The following SLC2A1 variants were observed in gnomAD, a reference collection of about 807,000 sequenced individuals.
SLC2A1 encodes the protein solute carrier family 2 member 1.
Under a neutral mutation model 46.6 loss-of-function variants are expected in SLC2A1, and 4 were observed. That is an observed-to-expected ratio of 0.09 (90% CI 0.04 to 0.20). The LOEUF is 0.20. Ranked by LOEUF, SLC2A1 falls within the 10% of genes least tolerant of loss-of-function variation. The pLI is 1.00. For missense variants in SLC2A1, 352 were observed against 667.0 expected (o/e 0.53, Z 5.20); for synonymous variants, 253 against 270.0 (o/e 0.94, Z 0.62).
In SLC2A1 at chr1:42,925,772, G is replaced by A. The variant is rs1643419155; in HGVS notation, c.*1269C>T. 6.6e-6 allele frequency: 1 copy of A among 152,112 alleles called. No homozygotes were observed. The highest frequency in any genetic ancestry group is 1.5e-5 in the Non-Finnish European group (1 of 68,014). The allele number at this position is 152,112 out of a possible 1,614,324, so 9.4% of individuals were successfully genotyped here. ...TTGTATGGTACCATTGTTAAAAGCA[G>A]GTGTTTTAGCTTATTCACTGTGCGA... On this transcript the variant is annotated 3_prime_UTR_variant, in exon 10 of 10. Coordinates refer to ENST00000426263, the MANE Select transcript of SLC2A1 (RefSeq NM_006516.4).
chr1:42,929,848 G>A lies in SLC2A1; in HGVS notation c.679+25C>T. ...AGAAGGCCAGGGCTCAGGGAGTGGG[G>A]AGGAGGGCAGGGCCATGCCCGTACC... On this transcript the variant is annotated intron_variant, in intron 5 of 9. Coordinates refer to ENST00000426263, the MANE Select transcript of SLC2A1 (RefSeq NM_006516.4). This position sits in a 1 kb window ranked among gnomAD's most constrained non-coding sequence, Gnocchi z 6.0. The A allele has an allele frequency of 6.2e-7, 1 of 1,614,166 alleles. No individual in the cohort carries two copies. Among genetic ancestry groups the A allele is most frequent in the African/African-American group, 1.3e-5 (1 of 75,042 alleles).
chr1:42,927,421 G>A lies in SLC2A1; in HGVS notation c.1279-180C>T, dbSNP rs963794248. On this transcript the variant is annotated intron_variant, in intron 9 of 9. Transcript: ENST00000426263. The surrounding 1 kb of genome is among the most constrained non-coding windows in gnomAD (Gnocchi z 5.3). The stretch of plus-strand genomic sequence containing the variant: ...ACCTAGAATGTAACAGGCTCCAGGA[G>A]CACCATTCAAGGCTAAGGGGAGAAC... Among the ~76,000 whole-genome samples, 9 of 152,180 alleles carry A rather than the reference G, an allele frequency of 5.9e-5. No individual in the cohort carries two copies. Among genetic ancestry groups the A allele is most frequent in the African/African-American group, 2.2e-4 (9 of 41,458 alleles).
At position 42,930,916 on chromosome 1, in the gene SLC2A1, G is replaced by A. The variant is rs368610353; in HGVS notation, c.276-50C>T. The A allele has an allele frequency of 1.1e-4, 176 of 1,604,106 alleles. 1 individual carries two copies. In the African/African-American group the frequency reaches 1.7e-3, roughly 16 times the overall value. ...CCAGTGCCCACATTCCTTGGGCTCC[G>A]AGGGGCTGGGTCAGAGGTAATACCC... On this transcript the variant is annotated intron_variant, in intron 3 of 9. Coordinates refer to ENST00000426263, the MANE Select transcript of SLC2A1 (RefSeq NM_006516.4). This position sits in a 1 kb window ranked among gnomAD's most constrained non-coding sequence, Gnocchi z 6.2.
In SLC2A1 at chr1:42,929,631, C is replaced by A; in HGVS notation, c.829G>T (p.Val277Leu). The change falls in exon 6 of 10, where the codon GTG (valine) becomes TTG (leucine). Residue 277 changes from valine (V) to leucine (L), a missense_variant. Physicochemically the swap from Val to Leu is conservative, Grantham distance 32. This residue lies in a region of SLC2A1 where 167 missense variants were observed against 280.8 expected (regional missense o/e 0.59). Coordinates refer to ENST00000426263, the MANE Select transcript of SLC2A1 (RefSeq NM_006516.4). The surrounding 1 kb of genome is among the most constrained non-coding windows in gnomAD (Gnocchi z 6.0). ...AYRQPILIAV[V>L]LQLSQQLSGI... ...GACAGCTGCTGGGACAGCTGCAGCA[C>A]CACAGCGATGAGGATGGGCTGGCGG... 1 of 1,613,850 alleles carries A rather than the reference C, an allele frequency of 6.2e-7. No individual in the cohort carries two copies. Among genetic ancestry groups the A allele is most frequent in the Non-Finnish European group, 8.5e-7 (1 of 1,179,980 alleles).
intron 2 of SLC2A1, among the ~76,000 whole-genome samples, chr1:42,935,794 C>A (rs1643537255): frequency 6.6e-6 from 1 of 152,106 alleles, no homozygotes; most frequent in Admixed American, 6.5e-5. Flanking sequence ...AGGCTGCCCA[C>A]CTTACAGGTG....
intron 1 of SLC2A1, among the ~76,000 whole-genome samples, chr1:42,953,724 C>T (rs1045698272): frequency 6.6e-6 from 1 of 152,194 alleles, no homozygotes; most frequent in Non-Finnish European, 1.5e-5. Context: ...GCCGACACCC[C>T]GTGACCAGGA....
At chr1:42,951,627 A>G (rs1224115533) in intron 1 of SLC2A1, 2 of 389,614 alleles carry the variant, frequency 5.1e-6, no homozygotes, top group Non-Finnish European at 9.0e-6. Flanking sequence ...ACACTCTTTC[A>G]TTTATTATGC....
Position 42,927,445 on chromosome 1 carries a change from A to G in SLC2A1, c.1278+160T>C, listed in dbSNP as rs1289367036. ...AGCACCATTCAAGGCTAAGGGGAGA[A>G]CCCTGGAGTTGAGGTCAGCATTCTT... On this transcript the variant is annotated intron_variant, in intron 9 of 9. Coordinates refer to ENST00000426263, the MANE Select transcript of SLC2A1 (RefSeq NM_006516.4). The surrounding 1 kb of genome is among the most constrained non-coding windows in gnomAD (Gnocchi z 5.3). 2.0e-5 allele frequency among the ~76,000 whole-genome samples: 3 copies of G among 152,192 alleles called. No individual in the cohort carries two copies. Among genetic ancestry groups the G allele is most frequent in the African/African-American group, 7.2e-5 (3 of 41,450 alleles).
chr1:42,943,174 T>C (rs1273957846), intron 2 of SLC2A1, 52 bp downstream of exon 2: 8 of 1,173,166 alleles, frequency 6.8e-6, no homozygotes, highest in Non-Finnish European at 1.0e-5. Flanking sequence ...GCATGTGTGA[T>C]GTGCAACAGA....
intron 1 of SLC2A1, among the ~76,000 whole-genome samples, chr1:42,955,304 C>T (rs1274751072): frequency 6.6e-6 from 1 of 152,132 alleles, no homozygotes; most frequent in African/African-American, 2.4e-5. Context: ...GATTCAAAAC[C>T]ACATATGCAA....
intron 1 of SLC2A1, among the ~76,000 whole-genome samples, chr1:42,957,925 C>T (rs1643794873): frequency 6.6e-6 from 1 of 152,158 alleles, no homozygotes; most frequent in Non-Finnish European, 1.5e-5. Context: ...CACATCTCCG[C>T]GAGACTGGGC....
chr1:42,927,947 C>T lies in SLC2A1; in HGVS notation c.1075-139G>A. 1.4e-6 allele frequency: 1 copy of T among 733,866 alleles called. No homozygotes were observed. The highest frequency in any genetic ancestry group is 2.4e-6 in the Non-Finnish European group (1 of 416,160). 45.5% of individuals were successfully genotyped at this position (733,866 alleles called of 1,614,324 possible). A position where few individuals can be genotyped will look rare whatever the true frequency, so the allele number is the denominator to read the frequency against. On this transcript the variant is annotated intron_variant, in intron 8 of 9. Coordinates refer to ENST00000426263, the MANE Select transcript of SLC2A1 (RefSeq NM_006516.4). The surrounding 1 kb of genome is among the most constrained non-coding windows in gnomAD (Gnocchi z 5.3). ...GGATGGTCCTGGATTTGTTGTGTAT[C>T]CAGCATTGGGCCTAAGTTTCCTCAT...
intron 1 of SLC2A1, among the ~76,000 whole-genome samples, chr1:42,946,468 G>T (rs1183288110): frequency 6.6e-6 from 1 of 151,456 alleles, no homozygotes; most frequent in East Asian, 1.9e-4. Flanking sequence ...TGAGAGGCTA[G>T]TGTGGTCTGG....
chr1:42,956,084 A>G (rs1031292109), intron 1 of SLC2A1, among the ~76,000 whole-genome samples: 4 of 152,188 alleles, frequency 2.6e-5, no homozygotes, highest in African/African-American at 9.7e-5. Flanking sequence ...TTGCAGGTCA[A>G]ATCAGCAGTC....
At chr1:42,940,462 C>T (rs1643586374) in intron 2 of SLC2A1, among the ~76,000 whole-genome samples, 1 of 152,222 alleles carries the variant, frequency 6.6e-6, no homozygotes, top group Admixed American at 6.5e-5. Flanking sequence ...CAGACAAATA[C>T]CCTGGCCCTT....
At chr1:42,958,496 A>T (rs1244152029) in intron 1 of SLC2A1, 138 bp downstream of exon 1, 2 of 518,322 alleles carry the variant, frequency 3.9e-6, no homozygotes, top group Non-Finnish European at 5.6e-6. Flanking sequence ...ACCCGCACCG[A>T]GCCAGGCTCG....
At chr1:42,952,543 C>T (rs774319596) in intron 1 of SLC2A1, 65 of 375,502 alleles carry the variant, frequency 1.7e-4, no homozygotes, top group Middle Eastern at 8.7e-4. Flanking sequence ...CAGTGCTGCT[C>T]TAGGCTGTGC....
In SLC2A1 at chr1:42,931,944, C is replaced by G. The variant is rs531998084; in HGVS notation, c.115-738G>C. Among the ~76,000 whole-genome samples, 32 of 152,322 alleles carry G rather than the reference C, an allele frequency of 2.1e-4. No individual in the cohort carries two copies. In the South Asian group the frequency reaches 6.6e-3, roughly 32 times the overall value. On this transcript the variant is annotated intron_variant, in intron 2 of 9. Coordinates refer to ENST00000426263, the MANE Select transcript of SLC2A1 (RefSeq NM_006516.4). ...CCATCTCCTGCCATCAGGCCCTCCCCCCAACCCCTTGCTGGGGAGGAAGCA... is the reference window on the plus strand; with the variant it reads ...CCATCTCCTGCCATCAGGCCCTCCCGCCAACCCCTTGCTGGGGAGGAAGCA...
At position 42,929,634 on chromosome 1, in the gene SLC2A1, C is replaced by T. The variant is rs145079633; in HGVS notation, c.826G>A (p.Val276Met). 2.5e-6 allele frequency: 4 copies of T among 1,613,754 alleles called. No individual in the cohort carries two copies. The highest frequency in any genetic ancestry group is 2.7e-5 in the African/African-American group (2 of 74,954). The part of the protein sequence containing the change: ...PAYRQPILIA[V>M]VLQLSQQLSG... Reference sequence around the variant, plus strand: ...AGCTGCTGGGACAGCTGCAGCACCACAGCGATGAGGATGGGCTGGCGGTAG... The same window carrying T: ...AGCTGCTGGGACAGCTGCAGCACCATAGCGATGAGGATGGGCTGGCGGTAG... The change falls in exon 6 of 10, where the codon GTG (valine) becomes ATG (methionine). Residue 276 changes from valine to methionine, a missense_variant. Physicochemically the swap from Val to Met is conservative, Grantham distance 21 (BLOSUM62 1). This residue lies in a region of SLC2A1 where 167 missense variants were observed against 280.8 expected (regional missense o/e 0.59). Transcript: ENST00000426263. The surrounding 1 kb of genome is among the most constrained non-coding windows in gnomAD (Gnocchi z 6.0).
Sources: gnomAD v4.1 joint callset for allele counts (sites outside exome capture counted in the v4.1 genomes callset) on GRCh38, gnomAD v4.1.1 for gene constraint, gnomAD v4.1.1 regional missense constraint, Gnocchi (gnomAD v3.1) non-coding constraint, MANE v1.5 for transcripts, NCBI Gene and HGNC (gene_info 2026-07-23, HGNC 2026-07-21) for gene names.